The following COL18A1 variants were observed in gnomAD, a reference collection of about 807,000 sequenced individuals.
COL18A1 encodes the protein collagen type XVIII alpha 1 chain, also known as collagen alpha-1(XVIII) chain.
In COL18A1, 133 loss-of-function variants were observed where a neutral mutation model predicts 168.0. The ratio of observed to expected loss-of-function variants is 0.79; its 90% CI spans 0.69 to 0.91. COL18A1 has a LOEUF of 0.91. COL18A1 is among the 40% of genes least tolerant of loss of function. The probability of loss-of-function intolerance (pLI) is 0.00; values close to 1 mark genes in which losing one functional copy is unlikely to be tolerated. For missense variants in COL18A1, 2,126 were observed against 1,925.4 expected (o/e 1.10, Z -1.95); for synonymous variants, 949 against 809.0 (o/e 1.17, Z -2.94).
intron 20 of COL18A1, 131 bp downstream of exon 20, chr21:45,490,477 G>C (rs2036282082): frequency 1.3e-6 from 1 of 762,812 alleles, no homozygotes; most frequent in African/African-American, 1.8e-5. Context: ...TGGGTCCCTG[G>C]GCCTCCGTGT....
chr21:45,468,586 G>T lies in COL18A1; in HGVS notation c.451G>T (p.Ala151Ser). 1 of 1,613,550 alleles carries T rather than the reference G, an allele frequency of 6.2e-7. No individual in the cohort carries two copies. Among genetic ancestry groups the T allele is most frequent in the East Asian group, 2.2e-5 (1 of 44,888 alleles). ...EPGAGQTHTA[A>S]SFRLPAFVGQ... ...AGGTGCAGGCCAGACCCACACAGCC[G>T]CCAGCTTCCGGCTCCCCGCCTTCGT... The change falls in exon 3 of 42, where the codon GCC becomes TCC. Residue 151 changes from alanine (A) to serine (S), a missense_variant. Coordinates refer to ENST00000651438, the MANE Select transcript of COL18A1 (RefSeq NM_001379500.1).
Position 45,510,046 on chromosome 21 carries a change from G to T in COL18A1, c.3496-18G>T, listed in dbSNP as rs367807324. ...GGCAGCGTGGGACACAGCCCGTGAC[G>T]CGCCCCTCTCCCCGCAGCTCCACCT... On this transcript the variant is annotated intron_variant, in intron 39 of 41. Transcript: ENST00000651438. 5 of 1,544,460 alleles carry T rather than the reference G, an allele frequency of 3.2e-6. No individual in the cohort carries two copies. The highest frequency in any genetic ancestry group is 1.4e-5 in the African/African-American group (1 of 73,340).
At chr21:45,441,543 G>C (rs1265472521) in intron 2 of COL18A1, among the ~76,000 whole-genome samples, 3 of 152,170 alleles carry the variant, frequency 2.0e-5, no homozygotes, top group Admixed American at 6.5e-5. Context: ...CTCCAGTCCT[G>C]CTGCCCGGTG....
At chr21:45,470,687 A>G (rs1006679919) in intron 3 of COL18A1, among the ~76,000 whole-genome samples, 2 of 151,850 alleles carry the variant, frequency 1.3e-5, no homozygotes, top group African/African-American at 4.8e-5. Flanking sequence ...GGGTTTCACC[A>G]TATTGGTCAG....
chr21:45,480,704 C>T lies in COL18A1; in HGVS notation c.1457C>T (p.Pro486Leu), dbSNP rs575706566. 3 of 1,610,902 alleles carry T rather than the reference C, an allele frequency of 1.9e-6. No individual in the cohort carries two copies. The highest frequency in any genetic ancestry group is 2.2e-5 in the South Asian group (2 of 91,086). The change falls in exon 13 of 42, where the codon CCT (proline) becomes CTT (leucine). Residue 486 changes from proline (P) to leucine (L), a missense_variant. Pro to Leu is a moderately conservative substitution (Grantham distance 98). Transcript: ENST00000651438. ...FGGDLEALRG[P>L]RGFPGPPGPP... is the part of the protein sequence containing the mutation. ...TCTGTGTTCGCCCACGTCCAGGGTCCTCGAGGCTTCCCTGGACCTCCCGGA... is the reference window on the plus strand; with the variant it reads ...TCTGTGTTCGCCCACGTCCAGGGTCTTCGAGGCTTCCCTGGACCTCCCGGA...
At chr21:45,456,741 C>T in intron 2 of COL18A1, 1 of 1,536,398 alleles carries the variant, frequency 6.5e-7, no homozygotes, top group Non-Finnish European at 8.7e-7. Flanking sequence ...CCGCCGCCCG[C>T]CCCGCCACCC....
chr21:45,455,667 C>T (rs2034774919), intron 2 of COL18A1: 2 of 1,613,740 alleles, frequency 1.2e-6, no homozygotes, highest in African/African-American at 2.7e-5. Context: ...ACCACGATCC[C>T]TGAGCCCCAG....
chr21:45,493,466 T>A, intron 25 of COL18A1, 35 bp from the exon 26 acceptor site: 1 of 1,530,074 alleles, frequency 6.5e-7, no homozygotes, highest in South Asian at 1.2e-5. Context: ...GGGAAGGAGC[T>A]GGCCCTGACT....
intron 2 of COL18A1, among the ~76,000 whole-genome samples, chr21:45,464,080 A>G (rs1444359238): frequency 6.6e-6 from 1 of 152,184 alleles, no homozygotes; most frequent in Non-Finnish European, 1.5e-5. Flanking sequence ...GAGCCAAACC[A>G]TGATGGAAGC....
Position 45,463,680 on chromosome 21 carries a change from C to T in COL18A1, c.107-4562C>T, listed in dbSNP as rs1003209463. 2.0e-5 allele frequency among the ~76,000 whole-genome samples: 3 copies of T among 152,126 alleles called. No homozygotes were observed. The South Asian group carries it at 6.2e-4, about 32-fold the overall frequency. On this transcript the variant is annotated intron_variant, in intron 2 of 41. Coordinates refer to ENST00000651438, the MANE Select transcript of COL18A1 (RefSeq NM_001379500.1). This position sits in a 1 kb window ranked among gnomAD's most constrained non-coding sequence, Gnocchi z 4.0. ...TGGGATGCCGAGGCATGCGGATCGC[C>T]TGAGGTCGGGAGTTGGAGACCAGCC...
At chr21:45,467,297 G>A in intron 2 of COL18A1, 1 of 985,452 alleles carries the variant, frequency 1.0e-6, no homozygotes, top group Non-Finnish European at 1.2e-6. Flanking sequence ...TTCTGACCCT[G>A]GGCTACTGAG....
Position 45,480,765 on chromosome 21 carries a change from C to A in COL18A1, c.1518C>A (p.Gly506=). 1 of 1,611,280 alleles carries A rather than the reference C, an allele frequency of 6.2e-7. No individual in the cohort carries two copies. The highest frequency in any genetic ancestry group is 8.5e-7 in the Non-Finnish European group (1 of 1,179,886). Residue 506 remains glycine, a synonymous_variant, in exon 13 of 42, where the codon GGC becomes GGA. Transcript: ENST00000651438. ...PGVPGLPGEP[G]RFGVNSSDVP... The stretch of plus-strand genomic sequence containing the variant: ...TCCCAGGCCTGCCCGGCGAGCCAGG[C>A]CGCTTTGGGGTGAACAGCTCCGACG...
intron 15 of COL18A1, among the ~76,000 whole-genome samples, chr21:45,483,089 G>A (rs1485340009): frequency 2.2e-4 from 34 of 152,228 alleles, no homozygotes; most frequent in Non-Finnish European, 2.9e-5. Flanking sequence ...GAGTAGACGC[G>A]CCCTGGAAGC....
At chr21:45,428,889 G>A (rs1187617251) in intron 2 of COL18A1, among the ~76,000 whole-genome samples, 1 of 150,484 alleles carries the variant, frequency 6.6e-6, no homozygotes, top group Admixed American at 6.6e-5. Flanking sequence ...ACTATAGCTT[G>A]CTTTCTTTCT....
Position 45,432,730 on chromosome 21 carries a change from C to T in COL18A1, c.106+27257C>T, listed in dbSNP as rs376428693. ...TCCGTGGGCTGGGATCTGGAAGCTT[C>T]CTTGAAATGTCTCTGGGCACGTGGC... On this transcript the variant is annotated intron_variant, in intron 2 of 41. Coordinates refer to ENST00000651438, the MANE Select transcript of COL18A1 (RefSeq NM_001379500.1). Among the ~76,000 whole-genome samples the T allele has an allele frequency of 1.0e-3, 156 of 152,320 alleles. 1 individual carries two copies. The highest frequency in any genetic ancestry group is 3.6e-3 in the African/African-American group (150 of 41,562).
At position 45,491,490 on chromosome 21, in the gene COL18A1, T is replaced by C. The variant is rs560581327; in HGVS notation, c.2157+176T>C. ...GCAGACGCCCTCGGTCAGAGACGCC[T>C]GGGGAGCCCAGCTCCATGTGGTGTT... On this transcript the variant is annotated intron_variant, in intron 22 of 41. Coordinates refer to ENST00000651438, the MANE Select transcript of COL18A1 (RefSeq NM_001379500.1). Among the ~76,000 whole-genome samples the C allele has an allele frequency of 3.5e-4, 7 of 19,958 alleles. No homozygotes were observed. The South Asian group carries it at 0.012, about 34-fold the overall frequency. The allele number at this position is 19,958 out of a possible 152,430, so 13.1% of individuals were successfully genotyped here.
intron 36 of COL18A1, 126 bp downstream of exon 36, chr21:45,505,557 T>A (rs1210697856): frequency 1.4e-6 from 1 of 701,150 alleles, no homozygotes; most frequent in Admixed American, 2.3e-5. Context: ...AAGATGCGGT[T>A]TCCAGGGTGG....
At position 45,507,719 on chromosome 21, in the gene COL18A1, C is replaced by G. The variant is rs2037307438; in HGVS notation, c.3249+126C>G. ...TGGAGCTGAACATGTGGCTCACCATCAGCCCCTGCTGCAGAAACTGGTGCA... is the reference window on the plus strand; with the variant it reads ...TGGAGCTGAACATGTGGCTCACCATGAGCCCCTGCTGCAGAAACTGGTGCA... On this transcript the variant is annotated intron_variant, in intron 38 of 41. Transcript: ENST00000651438. 7 of 897,584 alleles carry G rather than the reference C, an allele frequency of 7.8e-6. No individual in the cohort carries two copies. In the South Asian group the frequency reaches 9.9e-5, roughly 13 times the overall value. 55.6% of individuals were successfully genotyped at this position (897,584 alleles called of 1,614,324 possible). A position where few individuals can be genotyped will look rare whatever the true frequency, so the allele number is the denominator to read the frequency against.
intron 15 of COL18A1, among the ~76,000 whole-genome samples, chr21:45,486,156 A>C (rs913804075): frequency 6.6e-6 from 1 of 152,102 alleles, no homozygotes; most frequent in African/African-American, 2.4e-5. Context: ...CCTGCTTCTC[A>C]CGGCTTTCGG....
Sources: allele counts gnomAD v4.1 joint callset (sites outside exome capture counted in the v4.1 genomes callset), GRCh38; gene constraint gnomAD v4.1.1; non-coding constraint Gnocchi (gnomAD v3.1); transcripts MANE v1.5; gene names NCBI Gene and HGNC (gene_info 2026-07-23, HGNC 2026-07-21).